GLCE: variants seen among roughly 807,000 people sequenced by gnomAD.
GLCE encodes glucuronic acid epimerase.
A neutral mutation model predicts 47.9 loss-of-function variants in GLCE; 19 were observed. That is an observed-to-expected ratio of 0.40 (90% CI 0.28 to 0.58). The LOEUF (loss-of-function observed/expected upper bound fraction) is 0.58. Ranked by LOEUF, GLCE falls within the 20% of genes least tolerant of loss-of-function variation. The pLI is 0.48. For synonymous variants in GLCE, 245 were observed against 263.4 expected, an observed-to-expected ratio of 0.93 and a Z score of 0.68; for missense variants, 556 against 743.3, an observed-to-expected ratio of 0.75 and a Z score of 2.93.
intron 1 of GLCE, among the ~76,000 whole-genome samples, chr15:69,207,782 C>T (rs1756978127): frequency 6.6e-6 from 1 of 152,012 alleles, no homozygotes; most frequent in South Asian, 2.1e-4. Context: ...ACTGCTGTGT[C>T]ATATGATAAA....
intron 2 of GLCE, among the ~76,000 whole-genome samples, chr15:69,245,975 C>T (rs1379063225): frequency 1.3e-5 from 2 of 152,098 alleles, no homozygotes; most frequent in South Asian, 2.1e-4. Flanking sequence ...GTAATCTGCC[C>T]GCCTCGGCCT....
At chr15:69,213,764 GT>G (rs1327146823) in intron 2 of GLCE, among the ~76,000 whole-genome samples, 1 of 152,020 alleles carries the variant, frequency 6.6e-6, no homozygotes, top group Non-Finnish European at 1.5e-5. Context: ...CTTCTGTGGT[GT>G]TTTAGTGGTG....
chr15:69,192,943 A>G (rs2051934997), intron 1 of GLCE, among the ~76,000 whole-genome samples: 1 of 151,870 alleles, frequency 6.6e-6, no homozygotes, highest in Non-Finnish European at 1.5e-5. Flanking sequence ...CTAAAGGTTG[A>G]TGTTTTATTT....
intron 3 of GLCE, among the ~76,000 whole-genome samples, chr15:69,257,896 T>G (rs2140442528): frequency 6.6e-6 from 1 of 152,138 alleles, no homozygotes; most frequent in East Asian, 1.9e-4. Flanking sequence ...GCCTAAATTC[T>G]AAAATAAAAA....
At chr15:69,248,570 G>A (rs989664844) in intron 2 of GLCE, among the ~76,000 whole-genome samples, 1 of 152,076 alleles carries the variant, frequency 6.6e-6, no homozygotes, top group Non-Finnish European at 1.5e-5. Context: ...GCAACGGAGA[G>A]GAAAGAATAT....
At chr15:69,235,894 A>C (rs2052589224) in intron 2 of GLCE, among the ~76,000 whole-genome samples, 1 of 152,206 alleles carries the variant, frequency 6.6e-6, no homozygotes, top group East Asian at 1.9e-4. Flanking sequence ...ACAACAATCA[A>C]AATCTAGAAC....
At chr15:69,187,331 G>A (rs909062737) in intron 1 of GLCE, among the ~76,000 whole-genome samples, 1 of 151,928 alleles carries the variant, frequency 6.6e-6, no homozygotes, top group Non-Finnish European at 1.5e-5. Context: ...TATAAGCCTT[G>A]AAAGGAAAAG....
chr15:69,170,968 G>A lies in GLCE; in HGVS notation c.-105+10211G>A, dbSNP rs140236898. Among the ~76,000 whole-genome samples the A allele has an allele frequency of 5.8e-4, 88 of 152,218 alleles. 1 individual carries two copies. Among genetic ancestry groups the A allele is most frequent in the Admixed American group, 3.7e-3 (56 of 15,278 alleles). On this transcript the variant is annotated intron_variant, in intron 1 of 4. Transcript: ENST00000261858. ...TGGAGGTATTTAGGAAAACATTTAGGGGAAAGATACTTTATTCTTAAGCAT... is the reference window on the plus strand; with the variant it reads ...TGGAGGTATTTAGGAAAACATTTAGAGGAAAGATACTTTATTCTTAAGCAT...
intron 1 of GLCE, among the ~76,000 whole-genome samples, chr15:69,204,773 A>G (rs2052127260): frequency 6.6e-6 from 1 of 152,110 alleles, no homozygotes; most frequent in South Asian, 2.1e-4. Context: ...TAGGTGGTAT[A>G]GTGGTGATGA....
intron 1 of GLCE, among the ~76,000 whole-genome samples, chr15:69,184,197 G>A (rs759047606): frequency 2.0e-5 from 3 of 152,140 alleles, no homozygotes; most frequent in Non-Finnish European, 4.4e-5. Context: ...AGTAGGACAT[G>A]GCTTAATGCT....
chr15:69,163,214 C>CT (rs887852571), intron 1 of GLCE, among the ~76,000 whole-genome samples: 24 of 150,092 alleles, frequency 1.6e-4, no homozygotes, highest in Admixed American at 6.0e-4. Context: ...GTTTCAGAAA[C>CT]TTTTTTTTTT....
rs1358456360 is a variant in GLCE at position 69,225,296 on chromosome 15, C to T, written c.-14+14890C>T. On this transcript the variant is annotated intron_variant, in intron 2 of 4. Transcript: ENST00000261858. ...GAATGTATGCAGTAAGCTAGGCATC[C>T]TTGCGTCGGCTGTCATAGAAGTCCC... 3.3e-5 allele frequency among the ~76,000 whole-genome samples: 5 copies of T among 152,150 alleles called. 1 individual carries two copies. The highest frequency in any genetic ancestry group is 2.0e-4 in the Admixed American group (3 of 15,280).
At chr15:69,228,689 A>G (rs2052480684) in intron 2 of GLCE, among the ~76,000 whole-genome samples, 1 of 152,142 alleles carries the variant, frequency 6.6e-6, no homozygotes, top group Admixed American at 6.5e-5. Context: ...TTGGAAGACT[A>G]AATTTCTTTC....
intron 1 of GLCE, among the ~76,000 whole-genome samples, chr15:69,186,546 C>T (rs1471935969): frequency 1.3e-5 from 2 of 152,078 alleles, no homozygotes; most frequent in Admixed American, 1.3e-4. Flanking sequence ...AAGAGAGGAA[C>T]CTGAATAACA....
chr15:69,201,330 G>T (rs938862678), intron 1 of GLCE, among the ~76,000 whole-genome samples: 1 of 152,078 alleles, frequency 6.6e-6, no homozygotes, highest in Non-Finnish European at 1.5e-5. Context: ...AGGAAGCCAA[G>T]TGTCAGTATT....
chr15:69,242,122 A>C (rs1414660055), intron 2 of GLCE, among the ~76,000 whole-genome samples: 1 of 152,114 alleles, frequency 6.6e-6, no homozygotes, highest in East Asian at 1.9e-4. Flanking sequence ...CCATAGCTAC[A>C]AGTTCATTAT....
At position 69,268,249 on chromosome 15, in the gene GLCE, G is replaced by C; in HGVS notation, c.859G>C (p.Gly287Arg). Residue 287 changes from glycine (G) to arginine (R), a missense_variant, in exon 5 of 5, where the codon GGA becomes CGA. Around this residue, in one of 3 missense-constraint regions of GLCE, gnomAD observed 74 missense variants for 64.4 expected, o/e 1.15. Coordinates refer to ENST00000261858, the MANE Select transcript of GLCE (RefSeq NM_015554.3). Reference sequence around the variant, plus strand: ...CAGTGAAGGTGTATCCTTGCAACTGGGAAACACAAAAGATTTTATTATTTC... The same window carrying C: ...CAGTGAAGGTGTATCCTTGCAACTGCGAAACACAAAAGATTTTATTATTTC... ...ETSEGVSLQLGNTKDFIISFD... is the reference protein window; with the variant it reads ...ETSEGVSLQLRNTKDFIISFD... The C allele has an allele frequency of 1.9e-6, 3 of 1,609,660 alleles. No individual in the cohort carries two copies. Among genetic ancestry groups the C allele is most frequent in the Non-Finnish European group, 2.5e-6 (3 of 1,178,064 alleles).
intron 2 of GLCE, among the ~76,000 whole-genome samples, chr15:69,225,977 A>G (rs1223514206): frequency 1.3e-5 from 2 of 151,646 alleles, no homozygotes; most frequent in Non-Finnish European, 2.9e-5. Flanking sequence ...TCCAATTTTT[A>G]TTGGACTTAA....
intron 2 of GLCE, among the ~76,000 whole-genome samples, chr15:69,220,596 A>G (rs563229605): frequency 6.6e-6 from 1 of 152,240 alleles, no homozygotes; most frequent in South Asian, 2.1e-4. Flanking sequence ...TGAAATGTCT[A>G]TTCAAGTTCT....
Sources: gnomAD v4.1 joint callset for allele counts (sites outside exome capture counted in the v4.1 genomes callset) on GRCh38, gnomAD v4.1.1 for gene constraint, gnomAD v4.1.1 regional missense constraint, MANE v1.5 for transcripts, NCBI Gene and HGNC (gene_info 2026-07-23, HGNC 2026-07-21) for gene names.